The following LOC128125817 variants were observed in gnomAD, a reference collection of about 807,000 sequenced individuals.
chr1:41,620,652 C>G, the LOC128125817 span, among the ~76,000 whole-genome samples: 1 of 152,174 alleles, frequency 6.6e-6, no homozygotes, highest in Non-Finnish European at 1.5e-5. Flanking sequence ...TTTCCAGCAG[C>G]TCTCACATTC....
chr1:41,611,709 C>G, the LOC128125817 span, among the ~76,000 whole-genome samples: 1 of 152,242 alleles, frequency 6.6e-6, no homozygotes, highest in Non-Finnish European at 1.5e-5. Context: ...GCCTGGGGAT[C>G]TAGAGACCCA....
chr1:41,592,907 C>A, the LOC128125817 span, among the ~76,000 whole-genome samples: 1 of 152,206 alleles, frequency 6.6e-6, no homozygotes, highest in Non-Finnish European at 1.5e-5. Flanking sequence ...TCCTGGACAC[C>A]GGCTTCTGCC....
the LOC128125817 span, among the ~76,000 whole-genome samples, chr1:41,587,408 C>G: frequency 6.6e-6 from 1 of 152,174 alleles, no homozygotes; most frequent in African/African-American, 2.4e-5. Context: ...TCTCAGTCAA[C>G]AGGGTGGCCA....
chr1:41,591,116 G>T, the LOC128125817 span, among the ~76,000 whole-genome samples: 1 of 152,218 alleles, frequency 6.6e-6, no homozygotes, highest in Non-Finnish European at 1.5e-5. Context: ...TGGAGGGGCT[G>T]TCATGGCTGT....
chr1:41,604,868 CCGAGGTGAG>C, the LOC128125817 span, among the ~76,000 whole-genome samples: 1 of 151,992 alleles, frequency 6.6e-6, no homozygotes, highest in Non-Finnish European at 1.5e-5. Flanking sequence ...TTTTGGGAGG[CCGAGGTGAG>C]TGAACTGCTT....
chr1:41,595,136 T>C, the LOC128125817 span, among the ~76,000 whole-genome samples: 1 of 152,238 alleles, frequency 6.6e-6, no homozygotes, highest in Non-Finnish European at 1.5e-5. Context: ...AAATCTGGCA[T>C]ATACTTTTCT....
chr1:41,621,541 G>T, the LOC128125817 span, among the ~76,000 whole-genome samples: 143 of 152,280 alleles, frequency 9.4e-4, no homozygotes, highest in Admixed American at 2.2e-3. Context: ...TCGAGACAGG[G>T]TCTTGCTGTG....
chr1:41,617,449 G>C, the LOC128125817 span, among the ~76,000 whole-genome samples: 1 of 152,208 alleles, frequency 6.6e-6, no homozygotes, highest in Non-Finnish European at 1.5e-5. Context: ...AACCCCTGGG[G>C]TGGTTGAGGA....
chr1:41,617,916 G>A, the LOC128125817 span, among the ~76,000 whole-genome samples: 1 of 152,198 alleles, frequency 6.6e-6, no homozygotes, highest in Non-Finnish European at 1.5e-5. Context: ...AAAGAGCCCT[G>A]GAGGGCAATG....
At chr1:41,597,285 G>C in the LOC128125817 span, among the ~76,000 whole-genome samples, 1 of 152,136 alleles carries the variant, frequency 6.6e-6, no homozygotes, top group Non-Finnish European at 1.5e-5. Context: ...CATCCCCATA[G>C]AAAGCAAAAA....
At chr1:41,622,283 C>A in the LOC128125817 span, among the ~76,000 whole-genome samples, 1 of 152,114 alleles carries the variant, frequency 6.6e-6, no homozygotes, top group Non-Finnish European at 1.5e-5. Flanking sequence ...AGTAAAGGTC[C>A]TAATGCCATG....
chr1:41,603,628 G>A, the LOC128125817 span, among the ~76,000 whole-genome samples: 1 of 152,168 alleles, frequency 6.6e-6, no homozygotes, highest in Non-Finnish European at 1.5e-5. Context: ...CCAAAGTGCT[G>A]GGATTACAGG....
At chr1:41,626,782 G>A in the LOC128125817 span, among the ~76,000 whole-genome samples, 2 of 152,270 alleles carry the variant, frequency 1.3e-5, no homozygotes, top group East Asian at 3.9e-4. Flanking sequence ...ATTACAGCAT[G>A]ATCGATTCCT....
the LOC128125817 span, among the ~76,000 whole-genome samples, chr1:41,623,568 A>G: frequency 6.6e-6 from 1 of 152,164 alleles, no homozygotes; most frequent in Non-Finnish European, 1.5e-5. Flanking sequence ...CATGGCCTCC[A>G]AAAACCACCA....
At chr1:41,616,022 C>G in the LOC128125817 span, among the ~76,000 whole-genome samples, 1 of 151,890 alleles carries the variant, frequency 6.6e-6, no homozygotes, top group Non-Finnish European at 1.5e-5. Flanking sequence ...GTGGTTTAAC[C>G]AAAGGGGAGA....
chr1:41,605,193 A>G, the LOC128125817 span, among the ~76,000 whole-genome samples: 1 of 142,934 alleles, frequency 7.0e-6, no homozygotes. Context: ...GAGGGAAGGG[A>G]AGGGAAGGGA....
At chr1:41,596,610 A>G in the LOC128125817 span, among the ~76,000 whole-genome samples, 1 of 152,224 alleles carries the variant, frequency 6.6e-6, no homozygotes, top group Non-Finnish European at 1.5e-5. Context: ...GTAAAATATT[A>G]AAAATATTTA....
chr1:41,608,253 G>C, the LOC128125817 span, among the ~76,000 whole-genome samples: 1 of 152,198 alleles, frequency 6.6e-6, no homozygotes, highest in Non-Finnish European at 1.5e-5. Flanking sequence ...CCGTGGACAG[G>C]AAGTGGCCAG....
chr1:41,611,119 A>G, the LOC128125817 span, among the ~76,000 whole-genome samples: 2 of 152,208 alleles, frequency 1.3e-5, no homozygotes, highest in African/African-American at 2.4e-5. Flanking sequence ...AGTGTATGTT[A>G]CACTCCTGTT....
Sources: allele counts gnomAD v4.1 joint callset (sites outside exome capture counted in the v4.1 genomes callset), GRCh38; gene constraint gnomAD v4.1.1; transcripts MANE v1.5.